The following TMTC2 variants were observed in gnomAD, a reference collection of about 807,000 sequenced individuals.
The protein encoded by TMTC2 is transmembrane O-mannosyltransferase targeting cadherins 2.
In TMTC2, 43 loss-of-function variants were observed where a neutral mutation model predicts 82.4. That is an observed-to-expected ratio of 0.52 (90% CI 0.41 to 0.67). TMTC2 has a LOEUF of 0.67. TMTC2 is among the 30% of genes least tolerant of loss of function. The pLI is 0.00. For synonymous variants in TMTC2, 408 were observed against 381.9 expected (o/e 1.07, Z -0.80); for missense variants, 919 against 1,012.4 (o/e 0.91, Z 1.25).
intron 1 of TMTC2, among the ~76,000 whole-genome samples, chr12:82,791,493 A>T (rs1322784570): frequency 6.6e-6 from 1 of 152,130 alleles, no homozygotes; most frequent in Non-Finnish European, 1.5e-5. Context: ...TTTGTCACAG[A>T]AAAAGTGGTA....
intron 1 of TMTC2, among the ~76,000 whole-genome samples, chr12:82,798,837 T>TG (rs1221464509): frequency 6.8e-6 from 1 of 147,410 alleles, no homozygotes; most frequent in Non-Finnish European, 1.5e-5. Flanking sequence ...TGTAAAGACT[T>TG]GCTAGTTAGA....
chr12:82,860,089 C>A (rs747603595), intron 2 of TMTC2, among the ~76,000 whole-genome samples: 1 of 151,994 alleles, frequency 6.6e-6, no homozygotes, highest in Non-Finnish European at 1.5e-5. Context: ...CTCTTCTGCC[C>A]CAGCCTCCTG....
chr12:82,735,512 A>ATT (rs1315915764), intron 1 of TMTC2, among the ~76,000 whole-genome samples: 1 of 151,714 alleles, frequency 6.6e-6, no homozygotes, highest in Non-Finnish European at 1.5e-5. Flanking sequence ...CGCCCGGCTA[A>ATT]TTTTTTGTAT....
intron 8 of TMTC2, among the ~76,000 whole-genome samples, chr12:83,015,491 G>A (rs1880635660): frequency 6.6e-6 from 1 of 152,190 alleles, no homozygotes. Context: ...TTGATGTTTA[G>A]CGAGTCCTGT....
chr12:83,057,678 CCT>C (rs1298890214), intron 10 of TMTC2, among the ~76,000 whole-genome samples: 1 of 151,670 alleles, frequency 6.6e-6, no homozygotes, highest in African/African-American at 2.4e-5. Flanking sequence ...CAGCTAATTT[CCT>C]CTGTTTTTAT....
intron 1 of TMTC2, among the ~76,000 whole-genome samples, chr12:82,720,539 T>C (rs1285198474): frequency 6.6e-6 from 1 of 152,244 alleles, no homozygotes; most frequent in Non-Finnish European, 1.5e-5. Context: ...TAGTACTGCC[T>C]TGAACAATAT....
chr12:82,920,669 G>T (rs1875337690), intron 3 of TMTC2, among the ~76,000 whole-genome samples: 1 of 151,792 alleles, frequency 6.6e-6, no homozygotes, highest in Non-Finnish European at 1.5e-5. Flanking sequence ...TTTTATTTTT[G>T]AATATAAAAT....
chr12:83,018,375 C>G (rs1281166623), intron 8 of TMTC2, among the ~76,000 whole-genome samples: 1 of 152,202 alleles, frequency 6.6e-6, no homozygotes, highest in African/African-American at 2.4e-5. Flanking sequence ...GGGAGCCAAA[C>G]AGCATAGCAC....
At chr12:83,053,927 G>A (rs1228852807) in intron 10 of TMTC2, among the ~76,000 whole-genome samples, 2 of 152,066 alleles carry the variant, frequency 1.3e-5, no homozygotes, top group East Asian at 3.9e-4. Flanking sequence ...ATGTCATTCA[G>A]AAAGTTTGCT....
chr12:82,700,724 G>T (rs1463479000), intron 1 of TMTC2, among the ~76,000 whole-genome samples: 6 of 152,172 alleles, frequency 3.9e-5, no homozygotes, highest in Non-Finnish European at 7.3e-5. Flanking sequence ...TCTTTACCAT[G>T]ATTGACTTTA....
chr12:83,006,286 C>T (rs1263996647), intron 8 of TMTC2, among the ~76,000 whole-genome samples: 2 of 151,978 alleles, frequency 1.3e-5, no homozygotes, highest in Admixed American at 6.5e-5. Context: ...CCCAAAAGAT[C>T]TGTCTTGAAG....
At chr12:82,768,688 G>T (rs1877119305) in intron 1 of TMTC2, among the ~76,000 whole-genome samples, 1 of 151,958 alleles carries the variant, frequency 6.6e-6, no homozygotes, top group Admixed American at 6.6e-5. Flanking sequence ...CATCTTGGTG[G>T]TGTGCTTCCT....
chr12:82,988,962 C>A (rs1410798717), intron 8 of TMTC2, among the ~76,000 whole-genome samples: 1 of 149,926 alleles, frequency 6.7e-6, no homozygotes, highest in African/African-American at 2.5e-5. Context: ...TCAGGAAAGA[C>A]ACAAATTAAA....
chr12:82,912,975 T>C (rs1020113916), intron 3 of TMTC2, among the ~76,000 whole-genome samples: 6 of 151,364 alleles, frequency 4.0e-5, no homozygotes, highest in Non-Finnish European at 7.4e-5. Context: ...GTAATATTCA[T>C]ATTCATGTAA....
intron 8 of TMTC2, among the ~76,000 whole-genome samples, chr12:83,007,723 C>A (rs1055857260): frequency 2.0e-5 from 3 of 151,744 alleles, no homozygotes; most frequent in African/African-American, 7.3e-5. Context: ...TTTCTATAAC[C>A]CTCTTCATTT....
intron 1 of TMTC2, among the ~76,000 whole-genome samples, chr12:82,739,893 A>T (rs1336676349): frequency 6.6e-6 from 1 of 151,566 alleles, no homozygotes; most frequent in African/African-American, 2.4e-5. Context: ...ATTGTTGTTT[A>T]CTACTCCATA....
intron 1 of TMTC2, among the ~76,000 whole-genome samples, chr12:82,814,960 G>A (rs1344598461): frequency 1.3e-5 from 2 of 152,018 alleles, no homozygotes; most frequent in African/African-American, 2.4e-5. Context: ...GTTACATATG[G>A]AAGTAAACAT....
intron 1 of TMTC2, among the ~76,000 whole-genome samples, chr12:82,829,656 A>C (rs934792333): frequency 1.3e-5 from 2 of 152,204 alleles, no homozygotes; most frequent in Non-Finnish European, 2.9e-5. Context: ...ATATTACTGT[A>C]AAAAGTTATA....
chr12:82,823,515 T>C (rs1045374001), intron 1 of TMTC2, among the ~76,000 whole-genome samples: 1 of 152,344 alleles, frequency 6.6e-6, no homozygotes, highest in East Asian at 1.9e-4. Context: ...TAATTTGCTA[T>C]GGAATTAAAA....
Sources: gnomAD v4.1 joint callset for allele counts (sites outside exome capture counted in the v4.1 genomes callset) on GRCh38, gnomAD v4.1.1 for gene constraint, MANE v1.5 for transcripts, NCBI Gene and HGNC (gene_info 2026-07-23, HGNC 2026-07-21) for gene names.